The following ARB2A variants were observed in gnomAD, a reference collection of about 807,000 sequenced individuals.
The protein encoded by ARB2A is cotranscriptional regulator ARB2A.
At chr5:93,707,906 A>G in the ARB2A span, among the ~76,000 whole-genome samples, 32 of 152,092 alleles carry the variant, frequency 2.1e-4, no homozygotes, top group African/African-American at 7.7e-4. Flanking sequence ...TTGATCTTTA[A>G]ATTATTTGGA....
chr5:93,929,183 G>A, the ARB2A span, among the ~76,000 whole-genome samples: 57 of 152,032 alleles, frequency 3.7e-4, no homozygotes, highest in African/African-American at 1.3e-3. Flanking sequence ...TCATATCAAT[G>A]CATTTTCATT....
chr5:93,679,649 A>G, the ARB2A span, among the ~76,000 whole-genome samples: 1 of 152,168 alleles, frequency 6.6e-6, no homozygotes, highest in East Asian at 1.9e-4. Context: ...CAGCAAGATA[A>G]AGTTGTAAAT....
chr5:93,755,653 A>C, the ARB2A span, among the ~76,000 whole-genome samples: 1 of 152,132 alleles, frequency 6.6e-6, no homozygotes, highest in Non-Finnish European at 1.5e-5. Context: ...GAAGTTTCCA[A>C]CCTTACCTGG....
the ARB2A span, among the ~76,000 whole-genome samples, chr5:93,889,704 T>C: frequency 1.3e-5 from 2 of 151,884 alleles, no homozygotes; most frequent in African/African-American, 2.4e-5. Context: ...AATGCTACAC[T>C]ACCTCATGGT....
the ARB2A span, among the ~76,000 whole-genome samples, chr5:93,859,293 A>T: frequency 5.3e-5 from 8 of 152,168 alleles, no homozygotes; most frequent in African/African-American, 1.9e-4. Flanking sequence ...CTCTCAAATA[A>T]ATAGGGTCAG....
chr5:93,793,269 A>T, the ARB2A span, among the ~76,000 whole-genome samples: 1 of 18,464 alleles, frequency 5.4e-5, no homozygotes, highest in African/African-American at 9.0e-5. Context: ...TTTTTGGTAG[A>T]AACAAGGGCT....
chr5:93,714,079 C>T, the ARB2A span, among the ~76,000 whole-genome samples: 1 of 151,930 alleles, frequency 6.6e-6, no homozygotes, highest in East Asian at 1.9e-4. Context: ...GTAATATGTG[C>T]CAAAAAATAA....
chr5:93,664,487 C>T, the ARB2A span, among the ~76,000 whole-genome samples: 2 of 151,638 alleles, frequency 1.3e-5, no homozygotes, highest in Non-Finnish European at 2.9e-5. Flanking sequence ...AAAAATTAGC[C>T]AGGCATGATG....
At chr5:94,100,313 C>A in the ARB2A span, among the ~76,000 whole-genome samples, 1 of 152,104 alleles carries the variant, frequency 6.6e-6, no homozygotes, top group Non-Finnish European at 1.5e-5. Context: ...GGAAAAACAT[C>A]CCATGCTGGT....
chr5:93,707,046 A>C, the ARB2A span, among the ~76,000 whole-genome samples: 1 of 152,182 alleles, frequency 6.6e-6, no homozygotes, highest in African/African-American at 2.4e-5. Context: ...ATAAGTGGGA[A>C]ATTAATCATC....
At chr5:94,050,052 A>G in the ARB2A span, among the ~76,000 whole-genome samples, 14 of 151,594 alleles carry the variant, frequency 9.2e-5, no homozygotes, top group Non-Finnish European at 1.6e-4. Flanking sequence ...TGATCCTGCC[A>G]CCTCAGCCTC....
the ARB2A span, among the ~76,000 whole-genome samples, chr5:94,019,132 C>T: frequency 6.6e-6 from 1 of 152,124 alleles, no homozygotes; most frequent in African/African-American, 2.4e-5. Flanking sequence ...AAATGGACCC[C>T]TTCCTTAAAC....
At chr5:93,682,544 T>C in the ARB2A span, among the ~76,000 whole-genome samples, 1 of 152,014 alleles carries the variant, frequency 6.6e-6, no homozygotes, top group African/African-American at 2.4e-5. Context: ...CTGAGTTTTA[T>C]TTCACATGTA....
chr5:94,094,991 A>G, the ARB2A span, among the ~76,000 whole-genome samples: 9 of 152,212 alleles, frequency 5.9e-5, no homozygotes, highest in Admixed American at 1.3e-4. Flanking sequence ...CGTCATGATC[A>G]CGTCATTCTC....
the ARB2A span, among the ~76,000 whole-genome samples, chr5:94,088,731 C>T: frequency 6.8e-4 from 103 of 152,270 alleles, no homozygotes; most frequent in African/African-American, 2.3e-3. Flanking sequence ...TCTCAAGTGT[C>T]ATTTAAGCAC....
chr5:94,059,079 G>A, the ARB2A span, among the ~76,000 whole-genome samples: 9 of 151,922 alleles, frequency 5.9e-5, no homozygotes, highest in East Asian at 1.7e-3. Flanking sequence ...CTGCAGAACT[G>A]TAAGTCAAAT....
the ARB2A span, among the ~76,000 whole-genome samples, chr5:93,888,084 C>T: frequency 6.6e-6 from 1 of 151,846 alleles, no homozygotes. Context: ...TGCACTTACC[C>T]ATATTATCAC....
chr5:93,760,403 C>T, the ARB2A span, among the ~76,000 whole-genome samples: 5 of 152,036 alleles, frequency 3.3e-5, no homozygotes, highest in Non-Finnish European at 7.4e-5. Context: ...AAAAACAATT[C>T]TAAAATTCAT....
chr5:93,897,409 A>G, the ARB2A span, among the ~76,000 whole-genome samples: 3 of 151,964 alleles, frequency 2.0e-5, no homozygotes, highest in Non-Finnish European at 4.4e-5. Context: ...AAATTTTTGG[A>G]AAGTTTGTAG....
Sources: gnomAD v4.1 joint callset for allele counts (sites outside exome capture counted in the v4.1 genomes callset) on GRCh38, gnomAD v4.1.1 for gene constraint, MANE v1.5 for transcripts, NCBI Gene and HGNC (gene_info 2026-07-23, HGNC 2026-07-21) for gene names.